NCALD: variants seen among roughly 807,000 people sequenced by gnomAD.
NCALD encodes the protein neurocalcin delta.
NCALD carries 10 observed loss-of-function variants against 18.6 expected under a neutral mutation model. The observed-to-expected ratio is 0.54, with a 90% confidence interval of 0.33 to 0.91. The LOEUF (loss-of-function observed/expected upper bound fraction) is 0.91. Among genes scored for constraint, NCALD ranks in the 40% least tolerant of loss-of-function variants. The pLI, the probability that NCALD is intolerant of heterozygous loss-of-function variation, is 0.03. For synonymous variants in NCALD, 88 were observed against 87.4 expected, an observed-to-expected ratio of 1.01 and a Z score of -0.04; for missense variants, 184 against 247.6, an observed-to-expected ratio of 0.74 and a Z score of 1.72.
chr8:101,738,820 G>A (rs182329961), intron 1 of NCALD, among the ~76,000 whole-genome samples: 7 of 152,198 alleles, frequency 4.6e-5, no homozygotes, highest in African/African-American at 1.4e-4. Context: ...TGTGGATCAC[G>A]TGAGATAATG....
intron 4 of NCALD, chr8:101,872,137 G>C: frequency 6.2e-7 from 1 of 1,605,908 alleles, no homozygotes; most frequent in Non-Finnish European, 8.5e-7. Flanking sequence ...AAACTTCCTG[G>C]CAAGTCCACT....
At chr8:101,889,674 G>A (rs1259487981) in intron 3 of NCALD, among the ~76,000 whole-genome samples, 1 of 152,194 alleles carries the variant, frequency 6.6e-6, no homozygotes, top group East Asian at 1.9e-4. Context: ...GCAAAGGAAA[G>A]CTAGTTCATT....
At chr8:101,690,914 A>G in intron 3 of NCALD, 1 of 985,442 alleles carries the variant, frequency 1.0e-6, no homozygotes, top group Non-Finnish European at 1.2e-6. Flanking sequence ...TAGCAGGGGC[A>G]GACCTGGAGC....
intron 1 of NCALD, among the ~76,000 whole-genome samples, chr8:102,112,996 T>A (rs1321058345): frequency 6.6e-6 from 1 of 152,206 alleles, no homozygotes; most frequent in Non-Finnish European, 1.5e-5. Flanking sequence ...CCTTTTTTCT[T>A]TATAAATTAC....
intron 1 of NCALD, among the ~76,000 whole-genome samples, chr8:102,058,306 C>A (rs1358007823): frequency 6.6e-6 from 1 of 152,202 alleles, no homozygotes; most frequent in East Asian, 1.9e-4. Context: ...AAAAGCGTAT[C>A]TATTGCACCC....
At chr8:101,699,626 C>A (rs1815164451) in intron 2 of NCALD, among the ~76,000 whole-genome samples, 1 of 152,118 alleles carries the variant, frequency 6.6e-6, no homozygotes, top group Non-Finnish European at 1.5e-5. Context: ...ATGGATGAAG[C>A]TGGAATCCAT....
At chr8:101,981,307 G>A (rs966256869) in intron 2 of NCALD, among the ~76,000 whole-genome samples, 2 of 151,996 alleles carry the variant, frequency 1.3e-5, no homozygotes, top group Admixed American at 6.6e-5. Flanking sequence ...GTCCTATCTT[G>A]ATTATTTCAT....
intron 1 of NCALD, among the ~76,000 whole-genome samples, chr8:102,107,237 TATACAC>T (rs1271967193): frequency 1.4e-4 from 15 of 106,082 alleles, no homozygotes; most frequent in Non-Finnish European, 1.8e-4. Flanking sequence ...TATATATATA[TATACAC>T]ATAGAAATAT....
chr8:101,908,436 C>T (rs1226327213), intron 3 of NCALD, among the ~76,000 whole-genome samples: 2 of 152,148 alleles, frequency 1.3e-5, no homozygotes, highest in Non-Finnish European at 2.9e-5. Context: ...CCTCTGACCC[C>T]ACAAACAATG....
At chr8:101,999,340 T>TA (rs1467747540) in intron 2 of NCALD, among the ~76,000 whole-genome samples, 2 of 152,028 alleles carry the variant, frequency 1.3e-5, no homozygotes, top group Non-Finnish European at 2.9e-5. Flanking sequence ...TACCCAGCCA[T>TA]AAAAAAGAAT....
intron 1 of NCALD, among the ~76,000 whole-genome samples, chr8:102,034,407 G>C (rs919607908): frequency 5.3e-5 from 8 of 152,196 alleles, no homozygotes; most frequent in Non-Finnish European, 1.2e-4. Context: ...TAATGTTGCT[G>C]TTGTTGCTTT....
intron 1 of NCALD, among the ~76,000 whole-genome samples, chr8:102,061,186 T>C (rs938242319): frequency 6.6e-6 from 1 of 152,212 alleles, no homozygotes; most frequent in South Asian, 2.1e-4. Flanking sequence ...AGAATGACCA[T>C]CTGCAGAATG....
At chr8:102,105,005 C>T (rs1333806787) in intron 1 of NCALD, among the ~76,000 whole-genome samples, 5 of 152,080 alleles carry the variant, frequency 3.3e-5, no homozygotes, top group Non-Finnish European at 5.9e-5. Flanking sequence ...GATGGTATCT[C>T]GATATAATGT....
intron 1 of NCALD, among the ~76,000 whole-genome samples, chr8:101,779,537 T>A (rs902926195): frequency 6.6e-6 from 1 of 152,206 alleles, no homozygotes; most frequent in Admixed American, 6.5e-5. Flanking sequence ...ATTTGTGGAA[T>A]GTAAAAAACA....
chr8:101,748,559 C>A (rs1810521953), intron 1 of NCALD, among the ~76,000 whole-genome samples: 1 of 152,172 alleles, frequency 6.6e-6, no homozygotes, highest in Non-Finnish European at 1.5e-5. Context: ...TGGCTGGCCA[C>A]TGTGGTTTTT....
chr8:101,838,152 T>C (rs1247920900), intron 4 of NCALD, among the ~76,000 whole-genome samples: 1 of 152,250 alleles, frequency 6.6e-6, no homozygotes, highest in Non-Finnish European at 1.5e-5. Flanking sequence ...TGAAAAATTA[T>C]TTCATGACAA....
chr8:102,092,219 G>A (rs1334498364), intron 1 of NCALD, among the ~76,000 whole-genome samples: 1 of 152,190 alleles, frequency 6.6e-6, no homozygotes, highest in African/African-American at 2.4e-5. Flanking sequence ...AAATGCCATG[G>A]CAACATCAGG....
At chr8:101,706,681 G>A (rs1204293594) in intron 2 of NCALD, among the ~76,000 whole-genome samples, 1 of 152,194 alleles carries the variant, frequency 6.6e-6, no homozygotes, top group African/African-American at 2.4e-5. Flanking sequence ...GTCTTTATAA[G>A]AAGAGGGAAA....
chr8:101,775,256 A>T (rs1028941418), intron 1 of NCALD, among the ~76,000 whole-genome samples: 1 of 152,212 alleles, frequency 6.6e-6, no homozygotes, highest in Non-Finnish European at 1.5e-5. Flanking sequence ...TAGTGCCTGT[A>T]TTCCAGCACT....
Sources: gnomAD v4.1 joint callset for allele counts (sites outside exome capture counted in the v4.1 genomes callset) on GRCh38, gnomAD v4.1.1 for gene constraint, MANE v1.5 for transcripts, NCBI Gene and HGNC (gene_info 2026-07-23, HGNC 2026-07-21) for gene names.